FAM13A: variants seen among roughly 807,000 people sequenced by gnomAD.
FAM13A encodes the protein family with sequence similarity 13 member A, also known as protein FAM13A.
A neutral mutation model predicts 129.6 loss-of-function variants in FAM13A; 76 were observed. The observed-to-expected ratio is 0.59, with a 90% confidence interval of 0.49 to 0.71. The LOEUF (loss-of-function observed/expected upper bound fraction) is 0.71. Ranked by LOEUF, FAM13A falls within the 30% of genes least tolerant of loss-of-function variation. FAM13A has a pLI of 0.00. For missense variants in FAM13A, 1,108 were observed against 1,249.3 expected (o/e 0.89, Z 1.70); for synonymous variants, 443 against 449.9 (o/e 0.98, Z 0.20).
rs33953927 is a variant in FAM13A, at chr4:88,887,530, C to CTTTTTTTTTTTTTT, written c.843+18848_843+18849insAAAAAAAAAAAAAA. On this transcript the variant is annotated intron_variant, in intron 6 of 23. Transcript: ENST00000264344. Reference sequence around the variant, plus strand: ...TTGGTTCACATATGTACCTTTCTTTCTTTCTTTTTTTTTTTTTTGAGACAG... The same window carrying CTTTTTTTTTTTTTT: ...TTGGTTCACATATGTACCTTTCTTTCTTTTTTTTTTTTTTTTTCTTTTTTTTTTTTTTGAGACAG... Among the ~76,000 whole-genome samples the CTTTTTTTTTTTTTT allele has an allele frequency of 2.3e-5, 3 of 128,756 alleles. 1 individual carries two copies. The highest frequency in any genetic ancestry group is 8.2e-5 in the Admixed American group (1 of 12,172). 84.5% of individuals were successfully genotyped at this position (128,756 alleles called of 152,430 possible). A position where few individuals can be genotyped will look rare whatever the true frequency, so the allele number is the denominator to read the frequency against.
intron 7 of FAM13A, chr4:88,823,191 C>T (rs1353815678): frequency 6.9e-7 from 1 of 1,452,532 alleles, no homozygotes; most frequent in Non-Finnish European, 9.0e-7. Context: ...CTCCAAACTT[C>T]TTCAGGCAAT....
chr4:88,908,843 A>G (rs1748574685), intron 5 of FAM13A, among the ~76,000 whole-genome samples: 1 of 152,160 alleles, frequency 6.6e-6, no homozygotes, highest in Non-Finnish European at 1.5e-5. Context: ...GTACTGAAAC[A>G]GCAGCTCCCA....
intron 11 of FAM13A, 42 bp downstream of exon 11, chr4:88,781,123 A>T: frequency 7.6e-7 from 1 of 1,322,468 alleles, no homozygotes; most frequent in Non-Finnish European, 1.0e-6. Flanking sequence ...AAGAGATGTA[A>T]TATTTCCTAA....
At chr4:88,797,826 T>C (rs552632205) in intron 8 of FAM13A, among the ~76,000 whole-genome samples, 2 of 152,316 alleles carry the variant, frequency 1.3e-5, no homozygotes, top group Admixed American at 6.5e-5. Flanking sequence ...GTTTATGTCC[T>C]TGAGGATTTT....
intron 3 of FAM13A, among the ~76,000 whole-genome samples, chr4:89,019,216 T>C (rs1766916472): frequency 6.6e-6 from 1 of 152,212 alleles, no homozygotes; most frequent in South Asian, 2.1e-4. Flanking sequence ...TTACTTGTCC[T>C]ATCTGGCCTT....
intron 14 of FAM13A, among the ~76,000 whole-genome samples, chr4:88,758,119 AG>A (rs1325651391): frequency 6.6e-6 from 1 of 152,200 alleles, no homozygotes; most frequent in Non-Finnish European, 1.5e-5. Context: ...AATTTTGACA[AG>A]GCTACTCTCT....
chr4:88,739,439 T>C (rs1739715971), intron 19 of FAM13A, among the ~76,000 whole-genome samples: 1 of 151,754 alleles, frequency 6.6e-6, no homozygotes, highest in South Asian at 2.1e-4. Context: ...AGATGACTAT[T>C]TTCTGAGCCC....
chr4:88,884,974 A>G (rs1371305844), intron 6 of FAM13A, among the ~76,000 whole-genome samples: 1 of 152,204 alleles, frequency 6.6e-6, no homozygotes, highest in Non-Finnish European at 1.5e-5. Flanking sequence ...AAGGAAAACT[A>G]CAAAACACTG....
chr4:89,029,387 A>T, intron 2 of FAM13A, 73 bp downstream of exon 2: 1 of 1,187,022 alleles, frequency 8.4e-7, no homozygotes, highest in South Asian at 1.3e-5. Context: ...TACATTATGA[A>T]ATAATTCACA....
In FAM13A at chr4:88,938,223, T is replaced by G. The variant is rs1481608498; in HGVS notation, c.624A>C (p.Glu208Asp). The change falls in exon 5 of 24, where the codon GAA becomes GAC. Residue 208 changes from glutamate to aspartate, a missense_variant. Physicochemically the swap from Glu to Asp is conservative, Grantham distance 45 (BLOSUM62 2). Coordinates refer to ENST00000264344, the MANE Select transcript of FAM13A (RefSeq NM_014883.4). ...PNCFHVPPGLEGMKEQDLCNK... is the reference protein window; with the variant it reads ...PNCFHVPPGLDGMKEQDLCNK... The stretch of plus-strand genomic sequence containing the variant: ...TGCACAGGTCCTGTTCCTTCATGCC[T>G]TCAAGCCCAGGTGGCACACTAGAAA... 1 of 1,608,842 alleles carries G rather than the reference T, an allele frequency of 6.2e-7. No individual in the cohort carries two copies. Among genetic ancestry groups the G allele is most frequent in the African/African-American group, 1.3e-5 (1 of 74,786 alleles).
chr4:89,040,111 A>C (rs771265906), intron 1 of FAM13A, among the ~76,000 whole-genome samples: 2 of 152,222 alleles, frequency 1.3e-5, no homozygotes, highest in Non-Finnish European at 2.9e-5. Flanking sequence ...TTCCAGCTAC[A>C]GTATTCCTTA....
intron 4 of FAM13A, among the ~76,000 whole-genome samples, chr4:88,963,403 T>C (rs1168212371): frequency 6.7e-6 from 1 of 148,238 alleles, no homozygotes; most frequent in Admixed American, 6.7e-5. Context: ...GTTCAAGCGA[T>C]TCTCATGCCT....
intron 7 of FAM13A, among the ~76,000 whole-genome samples, chr4:88,846,706 C>T (rs1461904702): frequency 6.6e-6 from 1 of 152,128 alleles, no homozygotes; most frequent in Non-Finnish European, 1.5e-5. Flanking sequence ...TCATAAAACC[C>T]ACCTATTTCT....
In FAM13A at chr4:88,774,113, T is replaced by G. The variant is rs376784426; in HGVS notation, c.1459-6054A>C. On this transcript the variant is annotated intron_variant, in intron 11 of 23. Transcript: ENST00000264344. ...AGCATGCTGCTCCCTCTGCCTGGAT[T>G]TTCTGTCTCCAGATATCCTGATGGC... Among the ~76,000 whole-genome samples the G allele has an allele frequency of 2.0e-5, 3 of 152,200 alleles. No homozygotes were observed. The East Asian group carries it at 5.8e-4, about 29-fold the overall frequency.
chr4:88,972,033 T>A (rs1002949844), intron 4 of FAM13A, among the ~76,000 whole-genome samples: 1 of 152,126 alleles, frequency 6.6e-6, no homozygotes, highest in Non-Finnish European at 1.5e-5. Flanking sequence ...TACGTGAGCA[T>A]ACATAAACAC....
intron 3 of FAM13A, among the ~76,000 whole-genome samples, chr4:89,003,281 T>TG (rs1458934163): frequency 2.6e-5 from 2 of 77,954 alleles, no homozygotes; most frequent in Non-Finnish European, 7.1e-5. Flanking sequence ...TGGAGCAATT[T>TG]GGAAAAAAAA....
At chr4:88,927,810 C>T (rs1752444965) in intron 5 of FAM13A, among the ~76,000 whole-genome samples, 1 of 151,762 alleles carries the variant, frequency 6.6e-6, no homozygotes, top group African/African-American at 2.4e-5. Flanking sequence ...TTTGAATAAC[C>T]AACTTTTCAT....
rs373470874 is a variant in FAM13A at position 88,743,714 on chromosome 4, G to T, written c.2466+3218C>A. Among the ~76,000 whole-genome samples, 578 of 152,222 alleles carry T rather than the reference G, an allele frequency of 3.8e-3. 3 individuals carry two copies. The highest frequency in any genetic ancestry group is 0.013 in the African/African-American group (559 of 41,524). The stretch of plus-strand genomic sequence containing the variant: ...AGATGTAGCATTATTCTCTAATAGG[G>T]TTTCGCCAAGTTGTCTTCATAATAT... On this transcript the variant is annotated intron_variant, in intron 19 of 23. Coordinates refer to ENST00000264344, the MANE Select transcript of FAM13A (RefSeq NM_014883.4).
intron 11 of FAM13A, among the ~76,000 whole-genome samples, chr4:88,773,023 T>C (rs1720991830): frequency 6.6e-6 from 1 of 152,218 alleles, no homozygotes; most frequent in African/African-American, 2.4e-5. Flanking sequence ...TTTGGTGTTA[T>C]GCAAAGGAGG....
Sources: allele counts gnomAD v4.1 joint callset (sites outside exome capture counted in the v4.1 genomes callset), GRCh38; gene constraint gnomAD v4.1.1; transcripts MANE v1.5; gene names NCBI Gene and HGNC (gene_info 2026-07-23, HGNC 2026-07-21).